BAIAP2: variants seen among roughly 807,000 people sequenced by gnomAD.
The protein encoded by BAIAP2 is BAR/IMD domain containing adaptor protein 2.
A neutral mutation model predicts 63.0 loss-of-function variants in BAIAP2; 18 were observed. The ratio of observed to expected loss-of-function variants is 0.29; its 90% CI spans 0.20 to 0.42. BAIAP2 has a LOEUF of 0.42. Among genes scored for constraint, BAIAP2 ranks in the 10% least tolerant of loss-of-function variants. BAIAP2 has a pLI of 1.00. For missense variants in BAIAP2, 610 were observed against 734.3 expected, an observed-to-expected ratio of 0.83 and a Z score of 1.96; for synonymous variants, 386 against 307.6, an observed-to-expected ratio of 1.25 and a Z score of -2.67.
chr17:81,088,869 A>G (rs1204876470), intron 6 of BAIAP2, among the ~76,000 whole-genome samples: 5 of 152,198 alleles, frequency 3.3e-5, no homozygotes, highest in Non-Finnish European at 5.9e-5. Flanking sequence ...GGGCCGGACA[A>G]AGGCAGAGGC....
At chr17:81,073,966 T>C (rs1447067540) in intron 3 of BAIAP2, among the ~76,000 whole-genome samples, 3 of 152,204 alleles carry the variant, frequency 2.0e-5, no homozygotes, top group African/African-American at 7.2e-5. Flanking sequence ...ATAGGTGGAA[T>C]GCTGATTTGT....
chr17:81,094,451 C>CT (rs1482983651), intron 6 of BAIAP2, among the ~76,000 whole-genome samples: 1 of 152,170 alleles, frequency 6.6e-6, no homozygotes, highest in African/African-American at 2.4e-5. Flanking sequence ...ATCCCTGATC[C>CT]TGCCAAAGTG....
At chr17:81,043,533 C>T (rs1014184271) in intron 1 of BAIAP2, among the ~76,000 whole-genome samples, 1 of 152,230 alleles carries the variant, frequency 6.6e-6, no homozygotes, top group Non-Finnish European at 1.5e-5. Flanking sequence ...ACTGCTGTCT[C>T]ATGCTCTGGC....
Position 81,116,454 on chromosome 17 carries a change from CT to C in BAIAP2, c.*616del. 4.7e-6 allele frequency: 5 copies of C among 1,062,262 alleles called. No individual in the cohort carries two copies. Among genetic ancestry groups the C allele is most frequent in the Non-Finnish European group, 6.7e-6 (5 of 747,720 alleles). 65.8% of individuals were successfully genotyped at this position (1,062,262 alleles called of 1,614,324 possible). ...AAGGGCCTCCCCAGGCCCCTCCTGC[CT>C]CGGGCAGGCCCCAGCCCTCCTCCTT... is the stretch of plus-strand genomic sequence containing the variant. On this transcript the variant is annotated 3_prime_UTR_variant, in exon 14 of 14. Transcript: ENST00000428708.
At chr17:81,066,178 C>T (rs1305589964) in intron 3 of BAIAP2, among the ~76,000 whole-genome samples, 2 of 152,328 alleles carry the variant, frequency 1.3e-5, no homozygotes, top group South Asian at 2.1e-4. Context: ...GCTGTGTACC[C>T]GCTGGTGCCC....
At chr17:81,098,087 T>C in intron 6 of BAIAP2, 2 of 1,341,510 alleles carry the variant, frequency 1.5e-6, no homozygotes, top group Non-Finnish European at 9.6e-7. Context: ...CCAGCTGGGG[T>C]CATGGAGGGG....
At chr17:81,093,751 C>T (rs956091862) in intron 6 of BAIAP2, among the ~76,000 whole-genome samples, 1 of 152,112 alleles carries the variant, frequency 6.6e-6, no homozygotes, top group Non-Finnish European at 1.5e-5. Flanking sequence ...GGGAGAGATG[C>T]GTGCTATTTA....
At chr17:81,064,980 A>C (rs1598601021) in intron 3 of BAIAP2, among the ~76,000 whole-genome samples, 1 of 152,110 alleles carries the variant, frequency 6.6e-6, no homozygotes. Context: ...CTGCTGGCTG[A>C]CTGGTTTTCC....
At chr17:81,094,970 T>C (rs2145640926) in intron 6 of BAIAP2, among the ~76,000 whole-genome samples, 1 of 152,336 alleles carries the variant, frequency 6.6e-6, no homozygotes, top group East Asian at 1.9e-4. Context: ...CCTTGGTTTT[T>C]TCTGGAATGC....
chr17:81,102,743 A>C (rs2058666523), intron 7 of BAIAP2, among the ~76,000 whole-genome samples: 1 of 152,104 alleles, frequency 6.6e-6, no homozygotes, highest in Non-Finnish European at 1.5e-5. Context: ...TGGGGGGAGC[A>C]GTGAAAGCCG....
At chr17:81,055,284 CCTT>C (rs56332351) in intron 2 of BAIAP2, among the ~76,000 whole-genome samples, 25,767 of 152,082 alleles carry the variant, frequency 0.17, 2,372 homozygotes, top group East Asian at 0.32. Flanking sequence ...GCACTGCCCT[CCTT>C]CTCAGCTCCC....
intron 7 of BAIAP2, among the ~76,000 whole-genome samples, chr17:81,101,925 C>T (rs1184036816): frequency 2.6e-5 from 4 of 152,218 alleles, no homozygotes; most frequent in South Asian, 2.1e-4. Context: ...CAGTGGCGGG[C>T]GTCTGCGCCC....
chr17:81,079,971 G>A (rs1037235490), intron 3 of BAIAP2, among the ~76,000 whole-genome samples: 4 of 152,266 alleles, frequency 2.6e-5, no homozygotes, highest in East Asian at 3.9e-4. Flanking sequence ...GCCCGAGAAC[G>A]CATGGCCTCA....
intron 1 of BAIAP2, chr17:81,053,328 G>A: frequency 3.5e-6 from 1 of 284,248 alleles, no homozygotes; most frequent in Non-Finnish European, 6.7e-6. Flanking sequence ...GCGCCAATGG[G>A]AACGGCACCT....
intron 6 of BAIAP2, among the ~76,000 whole-genome samples, chr17:81,097,298 T>C (rs996893399): frequency 3.3e-5 from 5 of 152,188 alleles, no homozygotes; most frequent in Admixed American, 6.5e-5. Flanking sequence ...GGGATGTGGC[T>C]GGGCAGGCTC....
chr17:81,103,477 T>A (rs775437751), intron 7 of BAIAP2, 25 bp from the exon 8 acceptor site: 3 of 1,541,536 alleles, frequency 1.9e-6, no homozygotes, highest in East Asian at 4.8e-5. Flanking sequence ...CCCTGACCCC[T>A]CCCTTCCTGC....
chr17:81,100,103 T>G (rs2058283000), intron 7 of BAIAP2, 23 bp downstream of exon 7: 1 of 1,597,646 alleles, frequency 6.3e-7, no homozygotes, highest in African/African-American at 1.3e-5. Context: ...GGGGCTGCGC[T>G]GTGCCGGCGC....
intron 3 of BAIAP2, among the ~76,000 whole-genome samples, chr17:81,062,526 CTG>C (rs1476633238): frequency 2.0e-5 from 3 of 152,260 alleles, no homozygotes; most frequent in African/African-American, 7.2e-5. Flanking sequence ...AGGTCAGTCT[CTG>C]TTTCTTCTCC....
chr17:81,048,825 G>A (rs4969364), intron 1 of BAIAP2, among the ~76,000 whole-genome samples: 35,939 of 152,116 alleles, frequency 0.24, 4,433 homozygotes, highest in East Asian at 0.38. Flanking sequence ...ATCCGTCTCT[G>A]TGGACGTCCC....
Sources: gnomAD v4.1 joint callset for allele counts (sites outside exome capture counted in the v4.1 genomes callset) on GRCh38, gnomAD v4.1.1 for gene constraint, MANE v1.5 for transcripts, NCBI Gene and HGNC (gene_info 2026-07-23, HGNC 2026-07-21) for gene names.